Variants in GALNT13 observed in about 807,000 individuals in gnomAD.
The protein encoded by GALNT13 is polypeptide N-acetylgalactosaminyltransferase 13.
Under a neutral mutation model 64.2 loss-of-function variants are expected in GALNT13, and 28 were observed. That is an observed-to-expected ratio of 0.44 (90% CI 0.32 to 0.60). The LOEUF (loss-of-function observed/expected upper bound fraction) is 0.60, where lower values mean the gene tolerates loss of function less well. GALNT13 is among the 20% of genes least tolerant of loss of function. GALNT13 has a pLI of 0.05. For missense variants in GALNT13, 577 were observed against 669.8 expected (o/e 0.86, Z 1.53); for synonymous variants, 214 against 224.6 (o/e 0.95, Z 0.42).
At chr2:153,733,408 A>C in the GALNT13 span, among the ~76,000 whole-genome samples, 3 of 152,184 alleles carry the variant, frequency 2.0e-5, no homozygotes, top group African/African-American at 7.2e-5. Context: ...CTACTAACAC[A>C]GTTCCTTAAA....
intron 11 of GALNT13, among the ~76,000 whole-genome samples, chr2:154,433,825 C>T (rs1256047875): frequency 6.6e-6 from 1 of 151,606 alleles, no homozygotes; most frequent in Non-Finnish European, 1.5e-5. Flanking sequence ...TACTCCAATA[C>T]ATTGTAAAGG....
the GALNT13 span, among the ~76,000 whole-genome samples, chr2:153,847,990 GAAT>G: frequency 6.6e-6 from 1 of 152,170 alleles, no homozygotes; most frequent in African/African-American, 2.4e-5. Flanking sequence ...ATGGAACTCT[GAAT>G]AAGTCAGTAA....
chr2:154,045,063 A>G (rs1699208438), intron 3 of GALNT13, among the ~76,000 whole-genome samples: 3 of 152,230 alleles, frequency 2.0e-5, no homozygotes. Context: ...GAAGACAGGT[A>G]TCACTGAACT....
the GALNT13 span, among the ~76,000 whole-genome samples, chr2:153,534,176 G>A: frequency 6.6e-6 from 1 of 152,212 alleles, no homozygotes; most frequent in African/African-American, 2.4e-5. Context: ...GCCATATTGA[G>A]TTCTGATGCT....
chr2:154,173,971 G>A (rs1685507268), intron 4 of GALNT13, among the ~76,000 whole-genome samples: 1 of 152,078 alleles, frequency 6.6e-6, no homozygotes, highest in African/African-American at 2.4e-5. Context: ...CACTGTAGAC[G>A]ATAGTATGGA....
At chr2:153,314,731 A>ATTG in the GALNT13 span, among the ~76,000 whole-genome samples, 1 of 152,138 alleles carries the variant, frequency 6.6e-6, no homozygotes, top group Non-Finnish European at 1.5e-5. Context: ...AGATAAACAA[A>ATTG]ATAAAAATAC....
chr2:154,424,554 G>A (rs565458020), intron 11 of GALNT13, among the ~76,000 whole-genome samples: 32 of 152,210 alleles, frequency 2.1e-4, no homozygotes, highest in African/African-American at 7.2e-4. Context: ...AAAAGAGGCT[G>A]CTTTGCCCAT....
intron 3 of GALNT13, among the ~76,000 whole-genome samples, chr2:153,951,637 GA>G (rs1250677794): frequency 6.6e-6 from 1 of 152,096 alleles, no homozygotes; most frequent in Non-Finnish European, 1.5e-5. Flanking sequence ...AAGGATGTAG[GA>G]GATGATTTGA....
the GALNT13 span, among the ~76,000 whole-genome samples, chr2:153,443,852 G>A: frequency 5.3e-5 from 8 of 152,088 alleles, no homozygotes; most frequent in African/African-American, 1.9e-4. Flanking sequence ...GAGCCCGAGT[G>A]GCAGAGTTTG....
chr2:153,123,672 T>A, the GALNT13 span, among the ~76,000 whole-genome samples: 1 of 152,222 alleles, frequency 6.6e-6, no homozygotes, highest in African/African-American at 2.4e-5. Context: ...ATAATGATAA[T>A]AATGACTAAA....
At chr2:153,428,563 T>C in the GALNT13 span, among the ~76,000 whole-genome samples, 1 of 152,192 alleles carries the variant, frequency 6.6e-6, no homozygotes, top group Non-Finnish European at 1.5e-5. Flanking sequence ...AGCTATATCA[T>C]ATGCTCTTTT....
At chr2:153,237,457 TG>T in the GALNT13 span, among the ~76,000 whole-genome samples, 1 of 151,976 alleles carries the variant, frequency 6.6e-6, no homozygotes, top group African/African-American at 2.4e-5. Flanking sequence ...ACTATATTTT[TG>T]TACCCATTAG....
At position 154,219,755 on chromosome 2, in the gene GALNT13, C is replaced by T. The variant is rs1021777041; in HGVS notation, c.312-22275C>T. ...TTGTGATATCTAGCCCTTAATGTGC[C>T]ATGGTTAGGTCCTATTCCCTGATGA... On this transcript the variant is annotated intron_variant, in intron 4 of 12. Coordinates refer to ENST00000392825, the MANE Select transcript of GALNT13 (RefSeq NM_052917.4). 3.3e-5 allele frequency among the ~76,000 whole-genome samples: 5 copies of T among 152,024 alleles called. No individual in the cohort carries two copies. In the Admixed American group the frequency reaches 3.3e-4, roughly 10 times the overall value.
At chr2:153,976,251 CAAT>C (rs1316524009) in intron 3 of GALNT13, among the ~76,000 whole-genome samples, 1 of 151,034 alleles carries the variant, frequency 6.6e-6, no homozygotes, top group African/African-American at 2.5e-5. Context: ...AATGGGTACT[CAAT>C]AATCAATCAA....
At chr2:154,347,741 G>T (rs1242735476) in intron 9 of GALNT13, among the ~76,000 whole-genome samples, 2 of 152,174 alleles carry the variant, frequency 1.3e-5, no homozygotes, top group East Asian at 1.9e-4. Context: ...TAGGTGTGTG[G>T]TATGTGTGAC....
chr2:153,178,880 G>A, the GALNT13 span, among the ~76,000 whole-genome samples: 10 of 150,892 alleles, frequency 6.6e-5, no homozygotes, highest in East Asian at 1.4e-3. Context: ...GACCAGAGGC[G>A]TGCACAACCA....
At chr2:153,804,204 T>C in the GALNT13 span, among the ~76,000 whole-genome samples, 1 of 152,332 alleles carries the variant, frequency 6.6e-6, no homozygotes, top group African/African-American at 2.4e-5. Flanking sequence ...AGTCTTGCCC[T>C]GTGGCCGAGG....
At chr2:153,590,447 A>C in the GALNT13 span, among the ~76,000 whole-genome samples, 42 of 141,240 alleles carry the variant, frequency 3.0e-4, no homozygotes, top group African/African-American at 1.1e-3. Context: ...CTGCTCCAAG[A>C]AATCAAGGAA....
chr2:154,372,823 T>G (rs1697774965), intron 9 of GALNT13, among the ~76,000 whole-genome samples: 1 of 151,974 alleles, frequency 6.6e-6, no homozygotes, highest in African/African-American at 2.4e-5. Flanking sequence ...GCTCTATATT[T>G]GAAAAAAAAT....
Sources: allele counts gnomAD v4.1 joint callset (sites outside exome capture counted in the v4.1 genomes callset), GRCh38; gene constraint gnomAD v4.1.1; transcripts MANE v1.5; gene names NCBI Gene and HGNC (gene_info 2026-07-23, HGNC 2026-07-21).